TMEM255B: variants seen among roughly 807,000 people sequenced by gnomAD.
TMEM255B encodes transmembrane protein 255B.
TMEM255B carries 35 observed loss-of-function variants against 34.5 expected under a neutral mutation model. That is an observed-to-expected ratio of 1.01 (90% CI 0.77 to 1.34). The LOEUF (loss-of-function observed/expected upper bound fraction) is 1.34, where lower values mean the gene tolerates loss of function less well. TMEM255B is among the 40% of genes most tolerant of loss of function. TMEM255B has a pLI of 0.00. For synonymous variants in TMEM255B, 206 were observed against 201.2 expected (o/e 1.02, Z -0.20); for missense variants, 432 against 433.2 (o/e 1.00, Z 0.02).
At position 113,800,897 on chromosome 13, in the gene TMEM255B, T is replaced by A; in HGVS notation, c.494T>A (p.Leu165His). The change falls in exon 6 of 9, where the codon CTC becomes CAC. Residue 165 changes from leucine (L) to histidine (H), a missense_variant. Transcript: ENST00000375353. ...VRSNTCYCCD[L>H]YACGSAEPSP... is the part of the protein sequence containing the mutation. The stretch of plus-strand genomic sequence containing the variant: ...AGCAACACCTGTTACTGCTGTGACC[T>A]CTATGCCTGCGGGAGGTGAGGGGCA... 6.2e-7 allele frequency: 1 copy of A among 1,609,902 alleles called. No homozygotes were observed. The highest frequency in any genetic ancestry group is 8.5e-7 in the Non-Finnish European group (1 of 1,178,644).
chr13:113,783,549 G>A (rs1244205862), intron 3 of TMEM255B, among the ~76,000 whole-genome samples: 2 of 152,214 alleles, frequency 1.3e-5, no homozygotes, highest in East Asian at 3.8e-4. Context: ...AAAGATTCCA[G>A]GTGCTGTTGG....
chr13:113,799,949 A>C, intron 5 of TMEM255B: 1 of 1,291,540 alleles, frequency 7.7e-7, no homozygotes, highest in Non-Finnish European at 1.0e-6. Context: ...GGCTTTAACT[A>C]AACGCAGCCT....
intron 1 of TMEM255B, 68 bp downstream of exon 1, chr13:113,759,383 A>C: frequency 8.3e-7 from 1 of 1,209,154 alleles, no homozygotes; most frequent in South Asian, 4.2e-5. Context: ...GGCTGGGACT[A>C]CAGGTCCCCG....
chr13:113,780,898 C>A (rs1160814111), intron 3 of TMEM255B, among the ~76,000 whole-genome samples: 1 of 152,164 alleles, frequency 6.6e-6, no homozygotes, highest in East Asian at 1.9e-4. Context: ...ATAATTATTA[C>A]TGATAATGTA....
At chr13:113,776,050 C>T (rs1385014216) in intron 3 of TMEM255B, among the ~76,000 whole-genome samples, 1 of 152,204 alleles carries the variant, frequency 6.6e-6, no homozygotes, top group Non-Finnish European at 1.5e-5. Flanking sequence ...CTGCCCAGGA[C>T]ACCAGTCCAC....
At position 113,795,017 on chromosome 13, in the gene TMEM255B, C is replaced by T. The variant is rs112944710; in HGVS notation, c.253-131C>T. 2.8e-4 allele frequency: 218 copies of T among 790,980 alleles called. No homozygotes were observed. The African/African-American group carries it at 3.0e-3, about 11-fold the overall frequency. The allele number at this position is 790,980 out of a possible 1,614,324, so 49.0% of individuals were successfully genotyped here. A position where few individuals can be genotyped will look rare whatever the true frequency, so the allele number is the denominator to read the frequency against. On this transcript the variant is annotated intron_variant, in intron 3 of 8. Coordinates refer to ENST00000375353, the MANE Select transcript of TMEM255B (RefSeq NM_182614.4). ...CTGGCCAGGGCTGGAAGTCATAGGA[C>T]GAAAGGTAGAGGTGAGAAGAGGCAG...
At chr13:113,807,208 A>G (rs1352524490) in intron 8 of TMEM255B, among the ~76,000 whole-genome samples, 2 of 152,180 alleles carry the variant, frequency 1.3e-5, no homozygotes, top group Non-Finnish European at 2.9e-5. Context: ...TGACTCCCTC[A>G]GGCAGGTGTG....
intron 3 of TMEM255B, among the ~76,000 whole-genome samples, chr13:113,778,980 C>T (rs762899715): frequency 2.6e-5 from 4 of 152,272 alleles, no homozygotes; most frequent in Non-Finnish European, 5.9e-5. Flanking sequence ...GGCTTCGGGC[C>T]GATTTAGGTC....
intron 1 of TMEM255B, among the ~76,000 whole-genome samples, chr13:113,765,651 C>G (rs1016133367): frequency 1.3e-5 from 2 of 152,190 alleles, no homozygotes; most frequent in Non-Finnish European, 2.9e-5. Flanking sequence ...CTGCTGTGTG[C>G]GTTCCTCTCT....
intron 2 of TMEM255B, among the ~76,000 whole-genome samples, chr13:113,767,802 T>G (rs985268486): frequency 1.3e-5 from 2 of 152,208 alleles, no homozygotes; most frequent in Non-Finnish European, 2.9e-5. Flanking sequence ...CATCTCCACA[T>G]TTTCAAGAAA....
intron 1 of TMEM255B, among the ~76,000 whole-genome samples, chr13:113,763,604 C>T (rs372416798): frequency 5.3e-5 from 8 of 152,324 alleles, no homozygotes; most frequent in African/African-American, 1.4e-4. Flanking sequence ...TTAAAAAGTA[C>T]ATAGTGCATT....
intron 1 of TMEM255B, among the ~76,000 whole-genome samples, chr13:113,764,814 C>G (rs997085393): frequency 6.6e-6 from 1 of 152,218 alleles, no homozygotes; most frequent in East Asian, 1.9e-4. Context: ...GGGAGTGCTG[C>G]GAGTGTCTAG....
chr13:113,759,226 G>T lies in TMEM255B; in HGVS notation c.-44G>T. ...CGCCGCGAGGGCGGCTCCTGGCGGC[G>T]GGACTGTGGCTGTGGCCCCGGGAGA... On this transcript the variant is annotated 5_prime_UTR_variant, in exon 1 of 9. Transcript: ENST00000375353. 5 of 1,225,994 alleles carry T rather than the reference G, an allele frequency of 4.1e-6. No individual in the cohort carries two copies. Among genetic ancestry groups the T allele is most frequent in the Non-Finnish European group, 5.1e-6 (5 of 984,116 alleles). The allele number at this position is 1,225,994 out of a possible 1,614,324, so 75.9% of individuals were successfully genotyped here.
At chr13:113,779,886 C>G (rs991537244) in intron 3 of TMEM255B, among the ~76,000 whole-genome samples, 5 of 152,186 alleles carry the variant, frequency 3.3e-5, no homozygotes, top group Admixed American at 3.3e-4. Flanking sequence ...AATTTTCTCT[C>G]TCCAGTTTTC....
chr13:113,789,104 T>C (rs2050787743), intron 3 of TMEM255B, among the ~76,000 whole-genome samples: 1 of 151,048 alleles, frequency 6.6e-6, no homozygotes, highest in South Asian at 2.1e-4. Context: ...CCACTCTCCC[T>C]CCCCACCTTA....
At chr13:113,765,975 C>A in intron 1 of TMEM255B, 140 bp from the exon 2 acceptor site, 1 of 1,036,036 alleles carries the variant, frequency 9.7e-7, no homozygotes, top group South Asian at 1.5e-5. Flanking sequence ...TGGGGGTGGT[C>A]CCCTGAGGTG....
At chr13:113,809,458 T>G (rs531694086) in intron 8 of TMEM255B, among the ~76,000 whole-genome samples, 1 of 110,516 alleles carries the variant, frequency 9.0e-6, no homozygotes, top group Non-Finnish European at 1.8e-5. Context: ...GGGGGTTTAC[T>G]CTGTGGTTCC....
At chr13:113,796,181 A>C (rs563883626) in intron 4 of TMEM255B, among the ~76,000 whole-genome samples, 2 of 122,638 alleles carry the variant, frequency 1.6e-5, no homozygotes, top group African/African-American at 3.2e-5. Flanking sequence ...ACACCACACA[A>C]CACACAGAGC....
At chr13:113,794,102 C>CG (rs1181290308) in intron 3 of TMEM255B, among the ~76,000 whole-genome samples, 2 of 152,148 alleles carry the variant, frequency 1.3e-5, no homozygotes, top group Admixed American at 6.5e-5. Flanking sequence ...ATGCTGACAT[C>CG]GGGGGAAGAG....
Sources: gnomAD v4.1 joint callset for allele counts (sites outside exome capture counted in the v4.1 genomes callset) on GRCh38, gnomAD v4.1.1 for gene constraint, MANE v1.5 for transcripts, NCBI Gene and HGNC (gene_info 2026-07-23, HGNC 2026-07-21) for gene names.